Variants in GPHN observed in about 807,000 individuals in gnomAD.
The protein encoded by GPHN is gephyrin.
Under a neutral mutation model 95.5 loss-of-function variants are expected in GPHN, and 17 were observed. The ratio of observed to expected loss-of-function variants is 0.18; its 90% CI spans 0.12 to 0.27. GPHN has a LOEUF of 0.27. GPHN is among the 10% of genes least tolerant of loss of function. The probability of loss-of-function intolerance (pLI) is 1.00; values close to 1 mark genes in which losing one functional copy is unlikely to be tolerated. For synonymous variants in GPHN, 320 were observed against 322.5 expected (o/e 0.99, Z 0.08); for missense variants, 660 against 978.1 (o/e 0.67, Z 4.34).
intron 2 of GPHN, among the ~76,000 whole-genome samples, chr14:66,769,493 T>C (rs1055581838): frequency 6.6e-6 from 1 of 152,008 alleles, no homozygotes; most frequent in African/African-American, 2.4e-5. Flanking sequence ...CACCCTCCAA[T>C]AGACCCCGGT....
the GPHN span, chr14:67,392,871 C>T: frequency 1.3e-6 from 2 of 1,590,450 alleles, no homozygotes; most frequent in African/African-American, 2.7e-5. Context: ...CAGCACCAGT[C>T]AGGCGATGGG....
intron 2 of GPHN, among the ~76,000 whole-genome samples, chr14:66,775,956 T>C (rs1170930578): frequency 6.6e-6 from 1 of 152,148 alleles, no homozygotes; most frequent in Non-Finnish European, 1.5e-5. Flanking sequence ...TCAATGTTCG[T>C]TCACCAGTTG....
intron 2 of GPHN, among the ~76,000 whole-genome samples, chr14:66,693,128 G>GTT (rs900215636): frequency 6.6e-6 from 1 of 151,798 alleles, no homozygotes; most frequent in African/African-American, 2.4e-5. Context: ...AATATTAACA[G>GTT]TTTTTTTACA....
chr14:67,332,739 A>G, the GPHN span: 2 of 1,564,872 alleles, frequency 1.3e-6, no homozygotes, highest in South Asian at 1.2e-5. Flanking sequence ...TTATTTGGTT[A>G]GGAAAGGAAT....
the GPHN span, chr14:67,200,040 A>C: frequency 1.1e-6 from 1 of 935,234 alleles, no homozygotes; most frequent in African/African-American, 1.7e-5. Flanking sequence ...CTGGACACCC[A>C]GGCTCTGGGG....
At chr14:67,609,413 C>A in the GPHN span, among the ~76,000 whole-genome samples, 15 of 152,158 alleles carry the variant, frequency 9.9e-5, no homozygotes, top group Admixed American at 9.2e-4. Flanking sequence ...CCCTGTACCC[C>A]ATATGTGGAA....
At chr14:67,660,831 G>C in the GPHN span, among the ~76,000 whole-genome samples, 1 of 152,146 alleles carries the variant, frequency 6.6e-6, no homozygotes, top group African/African-American at 2.4e-5. Context: ...ATCAGTAGCA[G>C]CTAGAAGATT....
intron 3 of GPHN, among the ~76,000 whole-genome samples, chr14:66,788,882 G>A (rs960335292): frequency 2.0e-5 from 3 of 151,936 alleles, no homozygotes; most frequent in East Asian, 3.9e-4. Flanking sequence ...ATGGGGTTTC[G>A]CCAGTAGGCT....
chr14:67,342,034 G>A, the GPHN span, among the ~76,000 whole-genome samples: 2 of 151,898 alleles, frequency 1.3e-5, no homozygotes, highest in African/African-American at 4.8e-5. Context: ...AGTACCCACG[G>A]ACACAAACAC....
chr14:67,687,734 T>C, the GPHN span, among the ~76,000 whole-genome samples: 7 of 150,422 alleles, frequency 4.7e-5, no homozygotes, highest in Admixed American at 3.3e-4. Context: ...GCCTCCCAAA[T>C]TGCTGGGATT....
chr14:66,529,955 C>T (rs547777981), intron 1 of GPHN, among the ~76,000 whole-genome samples: 2 of 152,292 alleles, frequency 1.3e-5, no homozygotes, highest in East Asian at 3.9e-4. Context: ...CCGTCTGTCC[C>T]TTAGCAGAGC....
At chr14:67,066,940 C>T (rs1462682718) in intron 11 of GPHN, among the ~76,000 whole-genome samples, 1 of 152,198 alleles carries the variant, frequency 6.6e-6, no homozygotes, top group African/African-American at 2.4e-5. Context: ...GTCAACTTGT[C>T]AAAGACATTC....
intron 2 of GPHN, among the ~76,000 whole-genome samples, chr14:66,702,534 C>A (rs1432100473): frequency 6.6e-6 from 1 of 152,068 alleles, no homozygotes. Context: ...GAACCCCCAG[C>A]AAACCACAGC....
At chr14:66,852,166 A>G (rs1030817475) in intron 4 of GPHN, among the ~76,000 whole-genome samples, 2 of 152,262 alleles carry the variant, frequency 1.3e-5, no homozygotes, top group Non-Finnish European at 2.9e-5. Flanking sequence ...ACAGAAAAAC[A>G]GATATCATTA....
At chr14:67,342,527 G>GAA in the GPHN span, among the ~76,000 whole-genome samples, 2 of 148,188 alleles carry the variant, frequency 1.3e-5, no homozygotes, top group South Asian at 4.2e-4. Flanking sequence ...TCTAGAATGT[G>GAA]AACTCTGAGG....
At chr14:66,951,285 G>T (rs1174081704) in intron 8 of GPHN, among the ~76,000 whole-genome samples, 1 of 151,994 alleles carries the variant, frequency 6.6e-6, no homozygotes, top group Non-Finnish European at 1.5e-5. Flanking sequence ...TTTGGGGGCC[G>T]AGGCAGGCAG....
At chr14:66,580,401 A>T (rs1566638255) in intron 1 of GPHN, among the ~76,000 whole-genome samples, 1 of 151,864 alleles carries the variant, frequency 6.6e-6, no homozygotes, top group Non-Finnish European at 1.5e-5. Flanking sequence ...AATAGAAGAG[A>T]TCAACAAAGC....
chr14:66,632,489 CTTTTTTTTTTTT>C (rs60856342), intron 1 of GPHN, among the ~76,000 whole-genome samples: 91 of 122,018 alleles, frequency 7.5e-4, no homozygotes, highest in African/African-American at 2.3e-3. Context: ...ACAATACATT[CTTTTTTTTTTTT>C]TTTTTTTTTT....
chr14:67,412,625 C>T, the GPHN span, among the ~76,000 whole-genome samples: 3 of 152,078 alleles, frequency 2.0e-5, no homozygotes, highest in Non-Finnish European at 4.4e-5. Context: ...TGCAGGGCCC[C>T]CTGTCCGCAG....
Sources: allele counts gnomAD v4.1 joint callset (sites outside exome capture counted in the v4.1 genomes callset), GRCh38; gene constraint gnomAD v4.1.1; transcripts MANE v1.5; gene names NCBI Gene and HGNC (gene_info 2026-07-23, HGNC 2026-07-21).